RBMS3: variants seen among roughly 807,000 people sequenced by gnomAD.
The protein encoded by RBMS3 is RNA-binding motif, single-stranded-interacting protein 3.
RBMS3 carries 27 observed loss-of-function variants against 66.8 expected under a neutral mutation model. The ratio of observed to expected loss-of-function variants is 0.40; its 90% CI spans 0.30 to 0.56. The LOEUF is 0.56. Ranked by LOEUF, RBMS3 falls within the 20% of genes least tolerant of loss-of-function variation. The pLI is 0.40. For synonymous variants in RBMS3, 188 were observed against 183.0 expected (o/e 1.03, Z -0.22); for missense variants, 513 against 549.5 (o/e 0.93, Z 0.66).
chr3:29,709,230 C>T (rs1008449705), intron 4 of RBMS3, among the ~76,000 whole-genome samples: 1 of 151,262 alleles, frequency 6.6e-6, no homozygotes, highest in Non-Finnish European at 1.5e-5. Context: ...ATCAGTCCCA[C>T]TTAGAATTCT....
chr3:29,500,904 G>C (rs1301942106), intron 3 of RBMS3, among the ~76,000 whole-genome samples: 1 of 151,998 alleles, frequency 6.6e-6, no homozygotes, highest in Non-Finnish European at 1.5e-5. Context: ...TTTATTCAAA[G>C]AGAGTTTAAA....
At chr3:29,562,376 C>A (rs891257730) in intron 3 of RBMS3, among the ~76,000 whole-genome samples, 1 of 152,070 alleles carries the variant, frequency 6.6e-6, no homozygotes, top group African/African-American at 2.4e-5. Context: ...AATTTCTCAA[C>A]TTTGAAAGTA....
intron 3 of RBMS3, chr3:29,526,445 C>CG (rs1321799430): frequency 1.5e-5 from 2 of 136,538 alleles, no homozygotes; most frequent in Non-Finnish European, 3.1e-5. Context: ...GGCGTGAACC[C>CG]GGGAGGCAGA....
chr3:29,285,791 C>T (rs1439564475), intron 1 of RBMS3, among the ~76,000 whole-genome samples: 1 of 152,102 alleles, frequency 6.6e-6, no homozygotes, highest in Non-Finnish European at 1.5e-5. Context: ...ATAGAATGAG[C>T]AAACGCTTGA....
At chr3:29,411,377 T>C (rs2040259665) in intron 1 of RBMS3, among the ~76,000 whole-genome samples, 1 of 152,222 alleles carries the variant, frequency 6.6e-6, no homozygotes, top group Non-Finnish European at 1.5e-5. Context: ...ATCCTCATTC[T>C]ATAGCAAACA....
At chr3:29,677,643 T>C (rs969898429) in intron 4 of RBMS3, among the ~76,000 whole-genome samples, 2 of 152,210 alleles carry the variant, frequency 1.3e-5, no homozygotes, top group African/African-American at 2.4e-5. Context: ...TCTCTGAACT[T>C]GTGGCATTTT....
chr3:29,336,459 G>GA (rs372553766), intron 1 of RBMS3, among the ~76,000 whole-genome samples: 60 of 147,500 alleles, frequency 4.1e-4, no homozygotes, highest in African/African-American at 1.0e-3. Context: ...AATTTTAGAT[G>GA]AAAAAAAAAA....
At chr3:29,328,346 G>C (rs912199898) in intron 1 of RBMS3, among the ~76,000 whole-genome samples, 1 of 152,276 alleles carries the variant, frequency 6.6e-6, no homozygotes, top group East Asian at 1.9e-4. Flanking sequence ...TGGTAGATAT[G>C]TTTTCTGTAA....
chr3:29,561,721 G>A (rs1229145328), intron 3 of RBMS3, among the ~76,000 whole-genome samples: 1 of 152,116 alleles, frequency 6.6e-6, no homozygotes, highest in Non-Finnish European at 1.5e-5. Context: ...AAAGTGCTAG[G>A]ATTACAGGCA....
intron 6 of RBMS3, among the ~76,000 whole-genome samples, chr3:29,835,847 A>G (rs1235443999): frequency 6.6e-6 from 1 of 151,788 alleles, no homozygotes. Context: ...ACTTTTTTTT[A>G]AAAAAAGGTA....
At chr3:29,736,435 G>T (rs549868136) in intron 4 of RBMS3, among the ~76,000 whole-genome samples, 1 of 152,190 alleles carries the variant, frequency 6.6e-6, no homozygotes, top group African/African-American at 2.4e-5. Context: ...AATACTCAGG[G>T]AATTTGGAAA....
chr3:29,511,534 TTC>T (rs2044410932), intron 3 of RBMS3, among the ~76,000 whole-genome samples: 2 of 152,120 alleles, frequency 1.3e-5, no homozygotes, highest in South Asian at 4.1e-4. Flanking sequence ...GGTCTACTGA[TTC>T]TAACTCATGT....
chr3:29,530,780 G>A (rs891784673), intron 3 of RBMS3, among the ~76,000 whole-genome samples: 3 of 151,670 alleles, frequency 2.0e-5, no homozygotes, highest in African/African-American at 7.3e-5. Flanking sequence ...GCTGAGGCAG[G>A]AGAATTGCCT....
At chr3:29,675,642 G>C (rs956722355) in intron 4 of RBMS3, among the ~76,000 whole-genome samples, 1 of 152,122 alleles carries the variant, frequency 6.6e-6, no homozygotes, top group African/African-American at 2.4e-5. Context: ...CTTCTCAAAA[G>C]AAGACATTTA....
At chr3:29,685,523 C>T (rs895513855) in intron 4 of RBMS3, among the ~76,000 whole-genome samples, 1 of 152,142 alleles carries the variant, frequency 6.6e-6, no homozygotes, top group African/African-American at 2.4e-5. Context: ...AAGGGAAGAA[C>T]ATCAGTTCTT....
chr3:29,357,733 T>G (rs1559513292), intron 1 of RBMS3, among the ~76,000 whole-genome samples: 1 of 152,188 alleles, frequency 6.6e-6, no homozygotes, highest in Non-Finnish European at 1.5e-5. Flanking sequence ...TTTTTAATGA[T>G]CACCATTCTA....
chr3:29,798,102 T>C (rs994822858), intron 6 of RBMS3, among the ~76,000 whole-genome samples: 7 of 151,610 alleles, frequency 4.6e-5, no homozygotes, highest in African/African-American at 1.7e-4. Flanking sequence ...CTGTCTTAAA[T>C]GGGTGCTGTT....
intron 2 of RBMS3, among the ~76,000 whole-genome samples, chr3:29,444,243 A>G (rs1358781359): frequency 6.6e-6 from 1 of 152,098 alleles, no homozygotes; most frequent in Non-Finnish European, 1.5e-5. Context: ...CATATTACAT[A>G]TGTTAACTCA....
intron 3 of RBMS3, among the ~76,000 whole-genome samples, chr3:29,528,481 A>G (rs1214698551): frequency 1.3e-5 from 2 of 152,198 alleles, no homozygotes; most frequent in Non-Finnish European, 1.5e-5. Flanking sequence ...CTAAAAATGT[A>G]TACTAACCAC....
Sources: allele counts gnomAD v4.1 joint callset (sites outside exome capture counted in the v4.1 genomes callset), GRCh38; gene constraint gnomAD v4.1.1; transcripts MANE v1.5; gene names NCBI Gene and HGNC (gene_info 2026-07-23, HGNC 2026-07-21).